The following FAM168A variants were observed in gnomAD, a reference collection of about 807,000 sequenced individuals.
FAM168A encodes the protein family with sequence similarity 168 member A.
Under a neutral mutation model 28.5 loss-of-function variants are expected in FAM168A, and 3 were observed. The ratio of observed to expected loss-of-function variants is 0.11; its 90% CI spans 0.05 to 0.27. FAM168A has a LOEUF of 0.27. FAM168A is among the 10% of genes least tolerant of loss of function. FAM168A has a pLI of 1.00. For synonymous variants in FAM168A, 122 were observed against 124.2 expected, an observed-to-expected ratio of 0.98 and a Z score of 0.12; for missense variants, 222 against 311.5, an observed-to-expected ratio of 0.71 and a Z score of 2.16.
At chr11:73,526,456 T>C (rs193272681) in intron 1 of FAM168A, among the ~76,000 whole-genome samples, 2 of 152,300 alleles carry the variant, frequency 1.3e-5, no homozygotes, top group East Asian at 3.9e-4. Flanking sequence ...TTTGACTCGA[T>C]AGGTGTCTCT....
At chr11:73,486,103 T>C (rs1868049514) in intron 1 of FAM168A, among the ~76,000 whole-genome samples, 1 of 152,210 alleles carries the variant, frequency 6.6e-6, no homozygotes, top group African/African-American at 2.4e-5. Flanking sequence ...TTATTGGTAA[T>C]ACAATATGGG....
intron 1 of FAM168A, among the ~76,000 whole-genome samples, chr11:73,547,595 G>A (rs760494387): frequency 1.3e-5 from 2 of 152,090 alleles, no homozygotes; most frequent in African/African-American, 2.4e-5. Flanking sequence ...CCAGGAGTTC[G>A]AGGATAAGAG....
intron 2 of FAM168A, among the ~76,000 whole-genome samples, chr11:73,450,653 G>A (rs1022940639): frequency 4.7e-5 from 7 of 148,514 alleles, no homozygotes; most frequent in African/African-American, 1.0e-4. Flanking sequence ...AAAACAAAAC[G>A]ACCCCCCTTC....
At chr11:73,463,175 C>T (rs920092529) in intron 2 of FAM168A, among the ~76,000 whole-genome samples, 1 of 151,836 alleles carries the variant, frequency 6.6e-6, no homozygotes, top group Admixed American at 6.6e-5. Flanking sequence ...TGCTTTGTTG[C>T]CCAGGCTGGT....
chr11:73,408,832 T>A (rs2134477799), intron 6 of FAM168A, among the ~76,000 whole-genome samples: 1 of 151,432 alleles, frequency 6.6e-6, no homozygotes, highest in South Asian at 2.1e-4. Flanking sequence ...GCTTTTGTCA[T>A]CCCTCATAAT....
intron 1 of FAM168A, among the ~76,000 whole-genome samples, chr11:73,487,483 T>G (rs1358555032): frequency 1.3e-5 from 2 of 152,204 alleles, no homozygotes; most frequent in South Asian, 2.1e-4. Flanking sequence ...CATTTACTGC[T>G]TCCAAGTAAC....
At chr11:73,468,013 T>C (rs190826761) in intron 2 of FAM168A, among the ~76,000 whole-genome samples, 13 of 152,338 alleles carry the variant, frequency 8.5e-5, no homozygotes, top group African/African-American at 1.4e-4. Flanking sequence ...TTTGGTTGCA[T>C]AGCATTGAGA....
chr11:73,572,892 ATAAT>A (rs919755476), intron 1 of FAM168A, among the ~76,000 whole-genome samples: 8 of 151,890 alleles, frequency 5.3e-5, no homozygotes, highest in Admixed American at 2.0e-4. Context: ...AAATAAATAA[ATAAT>A]TAATTAAACA....
At chr11:73,419,028 T>A (rs1315001840) in intron 4 of FAM168A, among the ~76,000 whole-genome samples, 1 of 152,062 alleles carries the variant, frequency 6.6e-6, no homozygotes, top group East Asian at 1.9e-4. Flanking sequence ...GCCAGGATGG[T>A]CTCAATCTCC....
chr11:73,401,420 A>T lies in FAM168A; in HGVS notation c.*5343T>A, dbSNP rs1423498914. On this transcript the variant is annotated 3_prime_UTR_variant, in exon 8 of 8. Coordinates refer to ENST00000356467, the MANE Select transcript of FAM168A (RefSeq NM_015159.3). ...TTGAGTCACACCATAGATCCAGACT[A>T]TCTGGCTGACCCGAGGAGAAGGTCT... The T allele has an allele frequency of 1.3e-5, 2 of 152,152 alleles. No individual in the cohort carries two copies. The highest frequency in any genetic ancestry group is 2.9e-5 in the Non-Finnish European group (2 of 68,034). 9.4% of individuals were successfully genotyped at this position (152,152 alleles called of 1,614,324 possible). A position where few individuals can be genotyped will look rare whatever the true frequency, so the allele number is the denominator to read the frequency against.
At chr11:73,529,796 C>CTTCTTT (rs1555033111) in intron 1 of FAM168A, among the ~76,000 whole-genome samples, 10 of 127,514 alleles carry the variant, frequency 7.8e-5, no homozygotes, top group African/African-American at 3.4e-4. Flanking sequence ...ACTTTTTCTT[C>CTTCTTT]TTTTTTTTTT....
At chr11:73,460,915 A>G (rs1339034685) in intron 2 of FAM168A, among the ~76,000 whole-genome samples, 1 of 152,186 alleles carries the variant, frequency 6.6e-6, no homozygotes, top group African/African-American at 2.4e-5. Flanking sequence ...AAAGAAATCT[A>G]ACTAAGTGTG....
Position 73,468,437 on chromosome 11 carries a change from G to A in FAM168A, c.38C>T (p.Pro13Leu). The A allele has an allele frequency of 6.2e-7, 1 of 1,614,132 alleles. No individual in the cohort carries two copies. The change falls in exon 2 of 8, where the codon CCT becomes CTT. Residue 13 changes from proline to leucine, a missense_variant. Physicochemically the swap from Pro to Leu is moderately conservative, Grantham distance 98 (BLOSUM62 -3). Coordinates refer to ENST00000356467, the MANE Select transcript of FAM168A (RefSeq NM_015159.3). Reference protein sequence around the residue: ...PVYSPVQPGAPYGNPKNMAYT... With the variant: ...PVYSPVQPGALYGNPKNMAYT... ...GGCCATGTTCTTAGGGTTGCCATAA[G>A]GAGCCCCAGGCTGCACGGGGCTGTA...
rs112178270 is a variant in FAM168A, at chr11:73,474,822, T to C, written c.-18-6330A>G. ...AGCCATCTTTCATGCTTCTCCAAAA[T>C]AAAACTGTGAAAAAAGCTTCAAGAT... is the stretch of plus-strand genomic sequence containing the variant. On this transcript the variant is annotated intron_variant, in intron 1 of 7. Coordinates refer to ENST00000356467, the MANE Select transcript of FAM168A (RefSeq NM_015159.3). Among the ~76,000 whole-genome samples the C allele has an allele frequency of 7.1e-3, 1,084 of 152,276 alleles. 14 individuals carry two copies. The highest frequency in any genetic ancestry group is 0.023 in the African/African-American group (948 of 41,560).
intron 1 of FAM168A, among the ~76,000 whole-genome samples, chr11:73,515,655 T>C (rs1281517451): frequency 2.0e-5 from 3 of 151,954 alleles, no homozygotes; most frequent in East Asian, 1.9e-4. Flanking sequence ...ATTCATAATA[T>C]ATAAATTATA....
At chr11:73,571,480 G>A (rs1944089026) in intron 1 of FAM168A, among the ~76,000 whole-genome samples, 1 of 151,926 alleles carries the variant, frequency 6.6e-6, no homozygotes, top group Non-Finnish European at 1.5e-5. Flanking sequence ...GCTCCTAACC[G>A]CGAGTGATCC....
In FAM168A at chr11:73,571,228, T is replaced by TC. The variant is rs1944082750; in HGVS notation, c.-19+26694dup. 2.9e-4 allele frequency among the ~76,000 whole-genome samples: 11 copies of TC among 38,370 alleles called. No individual in the cohort carries two copies. In the East Asian group the frequency reaches 5.6e-3, roughly 19 times the overall value. The allele number at this position is 38,370 out of a possible 152,430, so 25.2% of individuals were successfully genotyped here. ...AATAATTAAACTCTCCCTCTCCCCC[T>TC]CCCCCTCCCCCCCCCCTCCCCACAG... On this transcript the variant is annotated intron_variant, in intron 1 of 7. Coordinates refer to ENST00000356467, the MANE Select transcript of FAM168A (RefSeq NM_015159.3).
chr11:73,401,104 A>ATT lies in FAM168A; in HGVS notation c.*5657_*5658dup, dbSNP rs1555014484. ...GTTTATTATTATTATTATTATTATT[A>ATT]TTATTATTTTAAATTTTATTTCTTT... On this transcript the variant is annotated 3_prime_UTR_variant, in exon 8 of 8. Transcript: ENST00000356467. 3.4e-5 allele frequency: 5 copies of ATT among 149,210 alleles called. No individual in the cohort carries two copies. Among genetic ancestry groups the ATT allele is most frequent in the Non-Finnish European group, 5.9e-5 (4 of 67,376 alleles). The allele number at this position is 149,210 out of a possible 1,614,324, so 9.2% of individuals were successfully genotyped here.
intron 1 of FAM168A, among the ~76,000 whole-genome samples, chr11:73,561,614 A>G (rs2134706229): frequency 6.6e-6 from 1 of 152,316 alleles, no homozygotes; most frequent in Non-Finnish European, 1.5e-5. Flanking sequence ...TCTGTCCCTA[A>G]TAAGTACATT....
Sources: gnomAD v4.1 joint callset for allele counts (sites outside exome capture counted in the v4.1 genomes callset) on GRCh38, gnomAD v4.1.1 for gene constraint, MANE v1.5 for transcripts, NCBI Gene and HGNC (gene_info 2026-07-23, HGNC 2026-07-21) for gene names.